Variants in CCDC171 observed in about 807,000 individuals in gnomAD.
CCDC171 encodes the protein coiled-coil domain-containing protein 171.
A neutral mutation model predicts 168.2 loss-of-function variants in CCDC171; 177 were observed. The ratio of observed to expected loss-of-function variants is 1.05; its 90% confidence interval spans 0.93 to 1.19. The LOEUF (loss-of-function observed/expected upper bound fraction) is 1.19. Among genes scored for constraint, CCDC171 ranks in the 50% most tolerant of loss-of-function variants. The pLI is 0.00. For synonymous variants in CCDC171, 687 were observed against 540.8 expected, an observed-to-expected ratio of 1.27 and a Z score of -3.75; for missense variants, 1,991 against 1,539.0, an observed-to-expected ratio of 1.29 and a Z score of -4.91.
intron 3 of CCDC171, among the ~76,000 whole-genome samples, chr9:16,014,624 G>C (rs767715393): frequency 1.3e-5 from 2 of 152,128 alleles, no homozygotes; most frequent in African/African-American, 2.4e-5. Context: ...AAAGTCAAAA[G>C]TACTCCTAAT....
chr9:15,574,968 G>A (rs1274311437), intron 3 of CCDC171, among the ~76,000 whole-genome samples: 2 of 152,258 alleles, frequency 1.3e-5, no homozygotes, highest in East Asian at 1.9e-4. Flanking sequence ...TTGCATTGAT[G>A]TAGGTGATTG....
At chr9:15,933,241 G>C (rs1011028528) in intron 25 of CCDC171, among the ~76,000 whole-genome samples, 1 of 151,972 alleles carries the variant, frequency 6.6e-6, no homozygotes, top group African/African-American at 2.4e-5. Flanking sequence ...TTTGATGGAA[G>C]ATGTTTAATT....
chr9:15,595,995 G>T (rs1490972140), intron 6 of CCDC171, among the ~76,000 whole-genome samples: 1 of 152,016 alleles, frequency 6.6e-6, no homozygotes, highest in African/African-American at 2.4e-5. Context: ...TGATGGGGTT[G>T]TTTTTTTCCT....
chr9:15,901,574 A>G (rs1821675318), intron 24 of CCDC171, among the ~76,000 whole-genome samples: 1 of 152,130 alleles, frequency 6.6e-6, no homozygotes. Context: ...AATTTTTTTT[A>G]TTTTAACTCA....
intron 21 of CCDC171, among the ~76,000 whole-genome samples, chr9:15,805,769 GA>G (rs979255988): frequency 5.3e-5 from 8 of 152,216 alleles, no homozygotes; most frequent in African/African-American, 1.4e-4. Context: ...AGGTCCACTT[GA>G]TCCTGAGCTA....
intron 1 of CCDC171, among the ~76,000 whole-genome samples, chr9:15,556,173 A>T (rs546641606): frequency 1.3e-5 from 2 of 152,226 alleles, no homozygotes; most frequent in African/African-American, 4.8e-5. Context: ...TAGCAGCATG[A>T]TTTACAGTTT....
chr9:15,645,073 T>G (rs908877492), intron 7 of CCDC171, among the ~76,000 whole-genome samples: 1 of 152,202 alleles, frequency 6.6e-6, no homozygotes, highest in Non-Finnish European at 1.5e-5. Context: ...GCAGCAACAT[T>G]GGCTGTTCAG....
chr9:15,613,945 A>G (rs957347581), intron 6 of CCDC171, among the ~76,000 whole-genome samples: 3 of 152,166 alleles, frequency 2.0e-5, no homozygotes, highest in Non-Finnish European at 4.4e-5. Context: ...TGAAATCTCT[A>G]CTTGGTTTGT....
intron 7 of CCDC171, among the ~76,000 whole-genome samples, chr9:15,637,119 G>T (rs2046259586): frequency 6.6e-6 from 1 of 152,080 alleles, no homozygotes; most frequent in Non-Finnish European, 1.5e-5. Flanking sequence ...AGCCAGGCAT[G>T]GTGGCGCTCG....
At position 15,578,942 on chromosome 9, in the gene CCDC171, G is replaced by A. The variant is rs1391186969; in HGVS notation, c.271G>A (p.Ala91Thr). Reference protein sequence around the residue: ...RQSLEYDLAVARKEAGLGRRA... With the variant: ...RQSLEYDLAVTRKEAGLGRRA... Reference sequence around the variant, plus strand: ...AAGTCTGGAATATGACCTAGCTGTTGCTAGAAAGGAAGCTGGTCTTGGAAG... The same window carrying A: ...AAGTCTGGAATATGACCTAGCTGTTACTAGAAAGGAAGCTGGTCTTGGAAG... The change falls in exon 4 of 26, where the codon GCT becomes ACT. Residue 91 changes from alanine (A) to threonine (T), a missense_variant. Physicochemically the swap from Ala to Thr is moderately conservative, Grantham distance 58 (BLOSUM62 0). Coordinates refer to ENST00000380701, the MANE Select transcript of CCDC171 (RefSeq NM_173550.4). 1 of 1,614,102 alleles carries A rather than the reference G, an allele frequency of 6.2e-7. No individual in the cohort carries two copies. Among genetic ancestry groups the A allele is most frequent in the African/African-American group, 1.3e-5 (1 of 75,056 alleles).
chr9:15,627,925 T>G (rs1366379625), intron 7 of CCDC171, among the ~76,000 whole-genome samples: 2 of 152,158 alleles, frequency 1.3e-5, no homozygotes, highest in African/African-American at 4.8e-5. Context: ...GGTGTTAAAG[T>G]CTCCCATTAT....
chr9:15,943,259 T>G (rs1409150035), intron 25 of CCDC171, among the ~76,000 whole-genome samples: 1 of 151,976 alleles, frequency 6.6e-6, no homozygotes, highest in Non-Finnish European at 1.5e-5. Context: ...AGAGCAGAGA[T>G]ATTTAAAAGG....
chr9:15,627,463 A>G (rs2045253126), intron 7 of CCDC171, among the ~76,000 whole-genome samples: 1 of 152,072 alleles, frequency 6.6e-6, no homozygotes, highest in South Asian at 2.1e-4. Context: ...TTAGTGCTGC[A>G]AATTTCCCTC....
intron 1 of CCDC171, among the ~76,000 whole-genome samples, chr9:15,561,355 A>G (rs1051603811): frequency 3.9e-5 from 6 of 152,194 alleles, no homozygotes; most frequent in African/African-American, 1.2e-4. Flanking sequence ...TCAAATGGAA[A>G]GTAATATTTA....
At chr9:15,901,653 G>T (rs1821685164) in intron 24 of CCDC171, among the ~76,000 whole-genome samples, 1 of 151,950 alleles carries the variant, frequency 6.6e-6, no homozygotes, top group South Asian at 2.1e-4. Flanking sequence ...TATAAAGTAA[G>T]AAATAACATA....
intron 25 of CCDC171, among the ~76,000 whole-genome samples, chr9:15,965,571 A>T (rs1207647005): frequency 6.6e-6 from 1 of 152,248 alleles, no homozygotes; most frequent in Non-Finnish European, 1.5e-5. Context: ...AGTCACTGTG[A>T]GAATTCAGAT....
intron 21 of CCDC171, among the ~76,000 whole-genome samples, chr9:15,824,304 C>T (rs1179699811): frequency 6.6e-6 from 1 of 151,766 alleles, no homozygotes; most frequent in Non-Finnish European, 1.5e-5. Context: ...ATATACTACA[C>T]ATTTTTACAA....
chr9:15,626,981 C>A (rs1333270043), intron 7 of CCDC171, among the ~76,000 whole-genome samples: 1 of 152,168 alleles, frequency 6.6e-6, no homozygotes, highest in African/African-American at 2.4e-5. Context: ...TTAATTATTG[C>A]CTCAATTTCA....
intron 3 of CCDC171, among the ~76,000 whole-genome samples, chr9:16,019,987 C>CA (rs1833119039): frequency 6.6e-6 from 1 of 152,070 alleles, no homozygotes; most frequent in African/African-American, 2.4e-5. Context: ...TATAATAGTT[C>CA]CCCTTTATCT....
Sources: allele counts gnomAD v4.1 joint callset (sites outside exome capture counted in the v4.1 genomes callset), GRCh38; gene constraint gnomAD v4.1.1; transcripts MANE v1.5; gene names NCBI Gene and HGNC (gene_info 2026-07-23, HGNC 2026-07-21).